The following ANO1 variants were observed in gnomAD, a reference collection of about 807,000 sequenced individuals.
The protein encoded by ANO1 is anoctamin 1.
A neutral mutation model predicts 124.0 loss-of-function variants in ANO1; 59 were observed. The observed-to-expected ratio is 0.48, with a 90% CI of 0.39 to 0.59. The LOEUF is 0.59. ANO1 is among the 20% of genes least tolerant of loss of function. ANO1 has a pLI of 0.00. For missense variants in ANO1, 1,059 were observed against 1,328.0 expected, an observed-to-expected ratio of 0.80 and a Z score of 3.15; for synonymous variants, 529 against 532.0, an observed-to-expected ratio of 0.99 and a Z score of 0.08.
intron 23 of ANO1, among the ~76,000 whole-genome samples, chr11:70,180,598 T>A (rs1436803157): frequency 1.3e-5 from 2 of 152,034 alleles, no homozygotes. Context: ...AGCAAAATTC[T>A]CCACCATGCC....
intron 1 of ANO1, among the ~76,000 whole-genome samples, chr11:70,084,073 G>T (rs1043116359): frequency 2.0e-5 from 3 of 152,152 alleles, no homozygotes; most frequent in Non-Finnish European, 4.4e-5. Context: ...AGGCCTGGGG[G>T]AGGGGGAGAG....
chr11:70,013,582 C>T (rs1856639702), intron 1 of ANO1, among the ~76,000 whole-genome samples: 1 of 151,900 alleles, frequency 6.6e-6, no homozygotes, highest in African/African-American at 2.4e-5. Flanking sequence ...AGTTTGAGAC[C>T]AGCCTGGCCA....
In ANO1 at chr11:70,038,013, G is replaced by A. The variant is rs1436495219; in HGVS notation, c.59-40529G>A. ...TAAAACGTGACTGTCGTGGCCAGTC[G>A]CAGTGGCTCATGCCTGTAATTCCAG... On this transcript the variant is annotated intron_variant, in intron 1 of 27. Transcript: ENST00000531349. Among the ~76,000 whole-genome samples, 13 of 152,184 alleles carry A rather than the reference G, an allele frequency of 8.5e-5. No homozygotes were observed. The East Asian group carries it at 1.5e-3, about 18-fold the overall frequency.
the ANO1 span, among the ~76,000 whole-genome samples, chr11:69,970,432 C>G: frequency 1.3e-5 from 2 of 152,202 alleles, no homozygotes; most frequent in African/African-American, 4.8e-5. Flanking sequence ...ATCGATCAGT[C>G]CTCCTGGGAA....
chr11:70,092,400 G>C (rs1281210892), intron 2 of ANO1, among the ~76,000 whole-genome samples: 1 of 152,212 alleles, frequency 6.6e-6, no homozygotes, highest in East Asian at 1.9e-4. Context: ...CCTGGAGTTG[G>C]CTGCCTTGGA....
intron 1 of ANO1, among the ~76,000 whole-genome samples, chr11:70,036,886 C>T (rs1344248172): frequency 2.0e-5 from 3 of 152,336 alleles, no homozygotes; most frequent in Admixed American, 1.3e-4. Context: ...GGATTACAGG[C>T]GTGAGCCACC....
At chr11:70,146,230 TG>T (rs1483290018) in intron 11 of ANO1, among the ~76,000 whole-genome samples, 1 of 152,212 alleles carries the variant, frequency 6.6e-6, no homozygotes, top group Non-Finnish European at 1.5e-5. Context: ...CAGCTGACCT[TG>T]GGCACAGCAC....
chr11:69,969,970 G>A, the ANO1 span, among the ~76,000 whole-genome samples: 31 of 148,708 alleles, frequency 2.1e-4, no homozygotes, highest in East Asian at 1.9e-4. Flanking sequence ...CAAACAAAAC[G>A]AAAGAGAGAC....
the ANO1 span, among the ~76,000 whole-genome samples, chr11:69,968,723 T>C: frequency 0.85 from 128,663 of 152,208 alleles, 55,203 homozygotes; most frequent in South Asian, 0.95. Flanking sequence ...CTAGAGGGCA[T>C]GAGCACTTGG....
intron 1 of ANO1, chr11:70,072,466 C>A (rs1857895316): frequency 6.6e-6 from 1 of 152,212 alleles, no homozygotes. Flanking sequence ...ATCTTTTATT[C>A]CAACCACAGG....
At chr11:70,173,080 A>G (rs1010240404) in intron 22 of ANO1, among the ~76,000 whole-genome samples, 10 of 152,116 alleles carry the variant, frequency 6.6e-5, no homozygotes, top group African/African-American at 2.4e-4. Flanking sequence ...AAATTCACCA[A>G]TCCTCCACTG....
intron 1 of ANO1, among the ~76,000 whole-genome samples, chr11:70,008,984 C>T (rs1856543550): frequency 6.6e-6 from 1 of 152,154 alleles, no homozygotes; most frequent in Admixed American, 6.5e-5. Context: ...GAGCGTGGCC[C>T]AGCCTCAGAG....
intron 1 of ANO1, among the ~76,000 whole-genome samples, chr11:70,083,149 C>G (rs2044252391): frequency 6.6e-6 from 1 of 152,290 alleles, no homozygotes; most frequent in Admixed American, 6.5e-5. Flanking sequence ...TTCCCCTGTC[C>G]TCCCCTAGTT....
At chr11:70,013,597 G>A (rs1425331441) in intron 1 of ANO1, among the ~76,000 whole-genome samples, 1 of 150,908 alleles carries the variant, frequency 6.6e-6, no homozygotes, top group African/African-American at 2.4e-5. Context: ...TGGCCAACAT[G>A]GTGAAACCCC....
chr11:70,183,662 G>C (rs2049009190), intron 24 of ANO1, among the ~76,000 whole-genome samples: 1 of 152,196 alleles, frequency 6.6e-6, no homozygotes, highest in South Asian at 2.1e-4. Context: ...GTTCCCATGG[G>C]AAAGCAGGTT....
At chr11:70,122,715 G>T (rs1334668952) in intron 8 of ANO1, among the ~76,000 whole-genome samples, 1 of 146,606 alleles carries the variant, frequency 6.8e-6, no homozygotes. Flanking sequence ...CTCTCTCGCT[G>T]CCTCTCTCCT....
chr11:69,982,335 G>T (rs1461917842), upstream of ANO1, among the ~76,000 whole-genome samples: 2 of 152,122 alleles, frequency 1.3e-5, no homozygotes, highest in South Asian at 4.2e-4. Flanking sequence ...CTCCACCTTG[G>T]TGCTTCCACC....
At chr11:70,085,515 C>G (rs763987369) in intron 1 of ANO1, 1 of 1,535,998 alleles carries the variant, frequency 6.5e-7, no homozygotes, top group African/African-American at 1.4e-5. Flanking sequence ...CCTGCCGGCA[C>G]CAGATGCTGA....
chr11:70,100,986 G>A (rs989237301), intron 2 of ANO1, among the ~76,000 whole-genome samples: 15 of 152,286 alleles, frequency 9.8e-5, no homozygotes, highest in Middle Eastern at 6.8e-3. Flanking sequence ...CCTCGTGGAC[G>A]CAGCCGGGGG....
Sources: allele counts gnomAD v4.1 joint callset (sites outside exome capture counted in the v4.1 genomes callset), GRCh38; gene constraint gnomAD v4.1.1; transcripts MANE v1.5; gene names NCBI Gene and HGNC (gene_info 2026-07-23, HGNC 2026-07-21).